Variants in MINDY3 observed in about 807,000 individuals in gnomAD.
The protein encoded by MINDY3 is MINDY lysine 48 deubiquitinase 3.
Under a neutral mutation model 69.2 loss-of-function variants are expected in MINDY3, and 38 were observed. That is an observed-to-expected ratio of 0.55 (90% CI 0.42 to 0.72). The LOEUF (loss-of-function observed/expected upper bound fraction) is 0.72. Among genes scored for constraint, MINDY3 ranks in the 30% least tolerant of loss-of-function variants. The pLI is 0.00. For missense variants in MINDY3, 522 were observed against 519.0 expected (o/e 1.01, Z -0.06); for synonymous variants, 192 against 180.1 (o/e 1.07, Z -0.53).
Position 15,841,484 on chromosome 10 carries a change from C to G in MINDY3, c.351G>C (p.Glu117Asp). Reference sequence around the variant, plus strand: ...GACTCCCAGAAATACTAGCAGTTTCCTCAGTTGTCTTTCCTCTTAACCATG... The same window carrying G: ...GACTCCCAGAAATACTAGCAGTTTCGTCAGTTGTCTTTCCTCTTAACCATG... ...LVSWLRGKTTEETASISGSPA... is the reference protein window; with the variant it reads ...LVSWLRGKTTDETASISGSPA... Residue 117 changes from glutamate (E) to aspartate (D), a missense_variant, in exon 4 of 15, where the codon GAG (glutamate) becomes GAC (aspartate). Glu to Asp is a conservative substitution (Grantham distance 45, BLOSUM62 2). Coordinates refer to ENST00000277632, the MANE Select transcript of MINDY3 (RefSeq NM_024948.4). 2.5e-6 allele frequency: 4 copies of G among 1,611,928 alleles called. No individual in the cohort carries two copies. Among genetic ancestry groups the G allele is most frequent in the Non-Finnish European group, 3.4e-6 (4 of 1,178,570 alleles).
Position 15,848,026 on chromosome 10 carries a change from A to C in MINDY3, c.95-83T>G, listed in dbSNP as rs1833974539. 1.5e-5 allele frequency: 17 copies of C among 1,109,182 alleles called. No individual in the cohort carries two copies. In the South Asian group the frequency reaches 2.2e-4, roughly 14 times the overall value. The allele number at this position is 1,109,182 out of a possible 1,614,324, so 68.7% of individuals were successfully genotyped here. On this transcript the variant is annotated intron_variant, in intron 1 of 14. Transcript: ENST00000277632. ...AATCTTTCATGTACTTTGCTTTGAG[A>C]ATGATCACTTATCACAACAGCAAAA...
chr10:15,793,237 ACAC>A (rs1167332415), intron 11 of MINDY3, among the ~76,000 whole-genome samples: 1 of 152,144 alleles, frequency 6.6e-6, no homozygotes, highest in African/African-American at 2.4e-5. Flanking sequence ...CTCATGTGGA[ACAC>A]TTTGAATAGA....
chr10:15,829,028 C>T (rs546471079), intron 8 of MINDY3, among the ~76,000 whole-genome samples: 2 of 152,234 alleles, frequency 1.3e-5, no homozygotes, highest in Admixed American at 1.3e-4. Flanking sequence ...CCTACACTGG[C>T]CCACAGAAAA....
chr10:15,846,030 C>A (rs1037680017), intron 2 of MINDY3, among the ~76,000 whole-genome samples: 26 of 151,736 alleles, frequency 1.7e-4, no homozygotes, highest in African/African-American at 5.1e-4. Context: ...ACCACATTGG[C>A]CAGGCTGGTC....
chr10:15,780,018 T>C (rs1175551744), intron 14 of MINDY3, among the ~76,000 whole-genome samples: 3 of 152,206 alleles, frequency 2.0e-5, no homozygotes, highest in Non-Finnish European at 4.4e-5. Context: ...TCTGATGCTG[T>C]ATAATTTAAA....
intron 1 of MINDY3, among the ~76,000 whole-genome samples, chr10:15,855,042 A>C (rs1271676132): frequency 6.6e-6 from 1 of 152,114 alleles, no homozygotes; most frequent in African/African-American, 2.4e-5. Context: ...GTGAATTAGT[A>C]ATGGATCTTG....
At chr10:15,786,497 G>T in intron 13 of MINDY3, 64 bp downstream of exon 13, 1 of 1,003,758 alleles carries the variant, frequency 1.0e-6, no homozygotes, top group Non-Finnish European at 1.5e-6. Context: ...AGAAAATGCT[G>T]CAAACAATCA....
intron 8 of MINDY3, among the ~76,000 whole-genome samples, chr10:15,828,841 C>T (rs1345210962): frequency 6.6e-6 from 1 of 152,132 alleles, no homozygotes; most frequent in Non-Finnish European, 1.5e-5. Context: ...CCTGCTCTGA[C>T]AACATAGTAG....
chr10:15,846,215 A>G lies in MINDY3; in HGVS notation c.174+1649T>C, dbSNP rs191343476. 2.1e-3 allele frequency among the ~76,000 whole-genome samples: 318 copies of G among 152,320 alleles called. 1 individual carries two copies. Among genetic ancestry groups the G allele is most frequent in the African/African-American group, 6.4e-3 (265 of 41,574 alleles). On this transcript the variant is annotated intron_variant, in intron 2 of 14. Coordinates refer to ENST00000277632, the MANE Select transcript of MINDY3 (RefSeq NM_024948.4). ...ATCATTGCATAACACCCACTTGCAA[A>G]AATAACTACCACTACTGAAATATAC...
intron 13 of MINDY3, among the ~76,000 whole-genome samples, chr10:15,785,165 GC>G (rs1403560717): frequency 2.8e-4 from 42 of 152,254 alleles, no homozygotes; most frequent in Middle Eastern, 3.4e-3. Context: ...CTCGTGGGAG[GC>G]AAACAGCATG....
intron 13 of MINDY3, 100 bp from the exon 14 acceptor site, chr10:15,782,326 T>A: frequency 1.3e-6 from 1 of 794,402 alleles, no homozygotes; most frequent in Non-Finnish European, 2.0e-6. Context: ...ATCCTTATCC[T>A]TTGACTGGGG....
chr10:15,782,661 A>G (rs1285545378), intron 13 of MINDY3, among the ~76,000 whole-genome samples: 5 of 152,118 alleles, frequency 3.3e-5, no homozygotes, highest in South Asian at 2.1e-4. Context: ...AATACTTCCA[A>G]TTTGGCCCAC....
intron 2 of MINDY3, among the ~76,000 whole-genome samples, chr10:15,846,154 G>T (rs1833829909): frequency 6.6e-6 from 1 of 152,044 alleles, no homozygotes; most frequent in African/African-American, 2.4e-5. Context: ...TACCTCAAAG[G>T]TATAGAAAAG....
Position 15,778,809 on chromosome 10 carries a change from T to C in MINDY3, c.*183A>G. On this transcript the variant is annotated 3_prime_UTR_variant, in exon 15 of 15. Coordinates refer to ENST00000277632, the MANE Select transcript of MINDY3 (RefSeq NM_024948.4). ...CACACGAAGGGGTAAAATAGGATAATCTTTAACATAAAGCTTTAGGACAAA... is the reference window on the plus strand; with the variant it reads ...CACACGAAGGGGTAAAATAGGATAACCTTTAACATAAAGCTTTAGGACAAA... 2.0e-6 allele frequency: 1 copy of C among 502,878 alleles called. No individual in the cohort carries two copies. The highest frequency in any genetic ancestry group is 3.4e-6 in the Non-Finnish European group (1 of 297,242). The allele number at this position is 502,878 out of a possible 1,614,324, so 31.2% of individuals were successfully genotyped here. A position where few individuals can be genotyped will look rare whatever the true frequency, so the allele number is the denominator to read the frequency against.
intron 4 of MINDY3, among the ~76,000 whole-genome samples, chr10:15,840,674 C>T (rs1156959533): frequency 2.0e-5 from 3 of 151,504 alleles, no homozygotes; most frequent in Non-Finnish European, 4.4e-5. Context: ...CTTGGGACTA[C>T]CAATTATAAA....
intron 2 of MINDY3, among the ~76,000 whole-genome samples, chr10:15,847,353 T>C (rs1204571473): frequency 2.0e-5 from 3 of 152,222 alleles, no homozygotes; most frequent in Admixed American, 2.0e-4. Flanking sequence ...GTTTTTGAAA[T>C]TGTTTGAAAT....
intron 10 of MINDY3, among the ~76,000 whole-genome samples, chr10:15,796,491 A>C (rs1030576868): frequency 1.3e-5 from 2 of 151,718 alleles, no homozygotes; most frequent in Admixed American, 6.6e-5. Context: ...AAAAAAACAA[A>C]AAACAAAACA....
intron 2 of MINDY3, among the ~76,000 whole-genome samples, chr10:15,844,295 AAC>A (rs1436117395): frequency 2.0e-5 from 3 of 152,202 alleles, no homozygotes; most frequent in Non-Finnish European, 4.4e-5. Context: ...GCAAAAGGGC[AAC>A]AACCATCAAG....
At chr10:15,835,795 T>A (rs1332820094) in intron 6 of MINDY3, among the ~76,000 whole-genome samples, 1 of 152,074 alleles carries the variant, frequency 6.6e-6, no homozygotes, top group Non-Finnish European at 1.5e-5. Flanking sequence ...CATTTAATAT[T>A]CCAAATAGGT....
Sources: allele counts gnomAD v4.1 joint callset (sites outside exome capture counted in the v4.1 genomes callset), GRCh38; gene constraint gnomAD v4.1.1; transcripts MANE v1.5; gene names NCBI Gene and HGNC (gene_info 2026-07-23, HGNC 2026-07-21).